RAD50: variants seen among roughly 807,000 people sequenced by gnomAD.
RAD50 encodes the protein RAD50 double strand break repair protein.
A neutral mutation model predicts 168.8 loss-of-function variants in RAD50; 132 were observed. That is an observed-to-expected ratio of 0.78 (90% confidence interval 0.68 to 0.90). The LOEUF (loss-of-function observed/expected upper bound fraction) is 0.90, where lower values mean the gene tolerates loss of function less well. Among genes scored for constraint, RAD50 ranks in the 40% least tolerant of loss-of-function variants. The probability of loss-of-function intolerance (pLI) is 0.00; values close to 1 mark genes in which losing one functional copy is unlikely to be tolerated. For synonymous variants in RAD50, 525 were observed against 497.4 expected, an observed-to-expected ratio of 1.06 and a Z score of -0.74; for missense variants, 1,347 against 1,534.4, an observed-to-expected ratio of 0.88 and a Z score of 2.04.
At position 132,579,366 on chromosome 5, in the gene RAD50, G is replaced by A. The variant is rs876660467; in HGVS notation, c.415G>A (p.Glu139Lys). 1 of 1,614,030 alleles carries A rather than the reference G, an allele frequency of 6.2e-7. No individual in the cohort carries two copies. The highest frequency in any genetic ancestry group is 1.7e-5 in the Admixed American group (1 of 60,028). Residue 139 changes from glutamate (E) to lysine (K), a missense_variant, in exon 4 of 25, where the codon GAA becomes AAA. Around this residue, in one of 3 missense-constraint regions of RAD50, gnomAD observed 703 missense variants for 767.7 expected, o/e 0.92. Coordinates refer to ENST00000378823, the MANE Select transcript of RAD50 (RefSeq NM_005732.4). ...LSSKCAEIDREMISSLGVSKA... is the reference protein window; with the variant it reads ...LSSKCAEIDRKMISSLGVSKA... ...CTCTAAGTGTGCAGAAATTGACCGA[G>A]AAATGATCAGTTCTCTTGGGGTTTC...
intron 21 of RAD50, among the ~76,000 whole-genome samples, chr5:132,635,347 C>T (rs1751559285): frequency 6.6e-6 from 1 of 152,158 alleles, no homozygotes; most frequent in Non-Finnish European, 1.5e-5. Flanking sequence ...CATTGTTATT[C>T]CCTTATGTAG....
chr5:132,621,084 T>G (rs1247594115), intron 21 of RAD50, among the ~76,000 whole-genome samples: 1 of 152,186 alleles, frequency 6.6e-6, no homozygotes, highest in East Asian at 1.9e-4. Flanking sequence ...CTTTAGTTAT[T>G]TGAGTGTTTA....
At chr5:132,640,905 G>C in intron 24 of RAD50, 100 bp downstream of exon 24, 2 of 1,577,870 alleles carry the variant, frequency 1.3e-6, no homozygotes, top group Admixed American at 1.7e-5. Context: ...TGATGAAAAC[G>C]TTCTCTAGCT....
At chr5:132,563,319 G>T (rs1750153265) in intron 2 of RAD50, among the ~76,000 whole-genome samples, 1 of 152,202 alleles carries the variant, frequency 6.6e-6, no homozygotes, top group African/African-American at 2.4e-5. Context: ...AACTGGAGGG[G>T]ATACCAGGAA....
Position 132,643,185 on chromosome 5 carries a change from A to T in RAD50, c.*821A>T. 2.5e-6 allele frequency: 1 copy of T among 405,954 alleles called. No individual in the cohort carries two copies. Among genetic ancestry groups the T allele is most frequent in the South Asian group, 2.3e-5 (1 of 43,016 alleles). The allele number at this position is 405,954 out of a possible 1,614,324, so 25.1% of individuals were successfully genotyped here. ...CACCATCAATCCTGATTCCTCTCTA[A>T]GTGGGCATTGCCATGTGGAAGGCAA... On this transcript the variant is annotated 3_prime_UTR_variant, in exon 25 of 25. Transcript: ENST00000378823.
intron 21 of RAD50, among the ~76,000 whole-genome samples, chr5:132,633,098 C>CTTTTTTTTTTTT (rs34616055): frequency 7.5e-4 from 85 of 112,988 alleles, no homozygotes; most frequent in Non-Finnish European, 1.1e-3. Flanking sequence ...TTCGTTTTTT[C>CTTTTTTTTTTTT]TTTTTTTTTT....
At chr5:132,618,904 A>G (rs1478261475) in intron 21 of RAD50, among the ~76,000 whole-genome samples, 4 of 152,136 alleles carry the variant, frequency 2.6e-5, no homozygotes, top group Non-Finnish European at 5.9e-5. Flanking sequence ...TGTCATCCCC[A>G]TTCCCTATAA....
intron 9 of RAD50, among the ~76,000 whole-genome samples, chr5:132,590,298 C>T (rs925297333): frequency 1.3e-5 from 2 of 152,006 alleles, no homozygotes; most frequent in Non-Finnish European, 2.9e-5. Flanking sequence ...GGTGAAACCC[C>T]GTCTCTACTA....
intron 21 of RAD50, chr5:132,630,583 C>G (rs1399841651): frequency 6.6e-6 from 1 of 152,234 alleles, no homozygotes; most frequent in Non-Finnish European, 1.5e-5. Context: ...CAAAGATAGC[C>G]AGTGGTGTTT....
chr5:132,601,701 C>T (rs1022289868), intron 13 of RAD50, among the ~76,000 whole-genome samples: 2 of 152,028 alleles, frequency 1.3e-5, no homozygotes, highest in African/African-American at 2.4e-5. Flanking sequence ...GCACTGTTCA[C>T]GATAGCAAAG....
chr5:132,637,714 A>G (rs552221388), intron 22 of RAD50, among the ~76,000 whole-genome samples: 1 of 152,014 alleles, frequency 6.6e-6, no homozygotes, highest in African/African-American at 2.4e-5. Context: ...TTGTATTCTT[A>G]GTAGAGATGG....
chr5:132,577,213 T>G (rs1750415594), intron 3 of RAD50, among the ~76,000 whole-genome samples: 1 of 152,212 alleles, frequency 6.6e-6, no homozygotes, highest in African/African-American at 2.4e-5. Flanking sequence ...TACTCTGTCT[T>G]CAAAGCAAGC....
Position 132,557,452 on chromosome 5 carries a change from C to T in RAD50, c.128C>T (p.Thr43Met), listed in dbSNP as rs369819304. 1.2e-6 allele frequency: 2 copies of T among 1,614,072 alleles called. No homozygotes were observed. Among genetic ancestry groups the T allele is most frequent in the Non-Finnish European group, 1.7e-6 (2 of 1,179,934 alleles). Residue 43 changes from threonine (T) to methionine (M), a missense_variant and splice_region_variant, in exon 1 of 25, where the codon ACG (threonine) becomes ATG (methionine). Coordinates refer to ENST00000378823, the MANE Select transcript of RAD50 (RefSeq NM_005732.4). ...ILVGPNGAGK[T>M]TIIECLKYIC... ...GTTGGACCCAATGGGGCGGGAAAGA[C>T]GGTAAGTCTTCAGTAGCCGCCTTCA...
rs34124696 is a variant in RAD50, at chr5:132,631,118, CT to C, written c.3390-5977del. ...TTTTCTGAGCTCCGAGAGAGTCTCA[CT>C]TTTTTTTTTTTTTTTTTTTAAGACA... is the stretch of plus-strand genomic sequence containing the variant. On this transcript the variant is annotated intron_variant, in intron 21 of 24. Coordinates refer to ENST00000378823, the MANE Select transcript of RAD50 (RefSeq NM_005732.4). Among the ~76,000 whole-genome samples the C allele has an allele frequency of 8.7e-3, 1,126 of 129,066 alleles. 8 individuals carry two copies. Among genetic ancestry groups the C allele is most frequent in the African/African-American group, 0.026 (881 of 34,144 alleles). 84.7% of individuals were successfully genotyped at this position (129,066 alleles called of 152,430 possible).
chr5:132,575,091 C>T (rs946716618), intron 2 of RAD50, among the ~76,000 whole-genome samples: 2 of 152,192 alleles, frequency 1.3e-5, no homozygotes, highest in Non-Finnish European at 2.9e-5. Context: ...GCACTCCACT[C>T]CTGGTACCAA....
At chr5:132,560,487 T>C (rs1413763928) in intron 2 of RAD50, among the ~76,000 whole-genome samples, 2 of 152,248 alleles carry the variant, frequency 1.3e-5, no homozygotes, top group African/African-American at 4.8e-5. Context: ...TTCTCTCTCC[T>C]TAAATCTACA....
chr5:132,592,933 T>G (rs774282402), intron 11 of RAD50: 6 of 469,592 alleles, frequency 1.3e-5, no homozygotes, highest in South Asian at 9.3e-5. Flanking sequence ...CTTTAATTTT[T>G]CAGTCAGAAT....
chr5:132,625,478 A>G (rs534164794), intron 21 of RAD50, among the ~76,000 whole-genome samples: 3 of 152,344 alleles, frequency 2.0e-5, no homozygotes, highest in African/African-American at 4.8e-5. Flanking sequence ...TGATGCAGGC[A>G]TACAATGCAT....
chr5:132,596,227 T>C (rs1399366517), intron 13 of RAD50, among the ~76,000 whole-genome samples: 1 of 130,908 alleles, frequency 7.6e-6, no homozygotes, highest in Non-Finnish European at 1.5e-5. Flanking sequence ...GCTCCTGGCC[T>C]CAAAGTGATT....
Sources: gnomAD v4.1 joint callset for allele counts (sites outside exome capture counted in the v4.1 genomes callset) on GRCh38, gnomAD v4.1.1 for gene constraint, gnomAD v4.1.1 regional missense constraint, MANE v1.5 for transcripts, NCBI Gene and HGNC (gene_info 2026-07-23, HGNC 2026-07-21) for gene names.